The following MGA variants were observed in gnomAD, a reference collection of about 807,000 sequenced individuals.
MGA encodes the protein MAX dimerization protein MGA.
Under a neutral mutation model 261.1 loss-of-function variants are expected in MGA, and 40 were observed. The ratio of observed to expected loss-of-function variants is 0.15; its 90% CI spans 0.12 to 0.20. The LOEUF (loss-of-function observed/expected upper bound fraction) is 0.20, where lower values mean the gene tolerates loss of function less well. MGA is among the 10% of genes least tolerant of loss of function. The pLI, the probability that MGA is intolerant of heterozygous loss-of-function variation, is 1.00. For synonymous variants in MGA, 1,302 were observed against 1,290.6 expected, an observed-to-expected ratio of 1.01 and a Z score of -0.19; for missense variants, 3,397 against 3,630.5, an observed-to-expected ratio of 0.94 and a Z score of 1.65.
At chr15:41,676,772 C>G (rs911953342) in intron 2 of MGA, among the ~76,000 whole-genome samples, 1 of 151,970 alleles carries the variant, frequency 6.6e-6, no homozygotes, top group East Asian at 1.9e-4. Context: ...TTGCCTAGAT[C>G]AAGATTTTAA....
intron 2 of MGA, among the ~76,000 whole-genome samples, chr15:41,685,268 T>A (rs937235667): frequency 6.6e-6 from 1 of 152,234 alleles, no homozygotes; most frequent in Non-Finnish European, 1.5e-5. Context: ...GCTGACTATA[T>A]GCGCACAGGT....
At chr15:41,636,100 T>A (rs550570052) in intron 1 of MGA, among the ~76,000 whole-genome samples, 1 of 152,184 alleles carries the variant, frequency 6.6e-6, no homozygotes, top group East Asian at 1.9e-4. Context: ...TACTATACTT[T>A]ATTATTTTAT....
rs1344025543 is a variant in MGA at position 41,749,221 on chromosome 15, G to A, written c.5614G>A (p.Gly1872Arg). 6.2e-7 allele frequency: 1 copy of A among 1,613,872 alleles called. No homozygotes were observed. The highest frequency in any genetic ancestry group is 1.7e-5 in the Admixed American group (1 of 60,008). The stretch of plus-strand genomic sequence containing the variant: ...CATGAATCCTGTAATTCAAGCTGTT[G>A]GGTCTTCTTCAGCAGTGAATGTTAT... Residue 1872 changes from glycine (G) to arginine (R), a missense_variant, in exon 17 of 24, where the codon GGG (glycine) becomes AGG (arginine). Physicochemically the swap from Gly to Arg is moderately radical, Grantham distance 125. Coordinates refer to ENST00000219905, the MANE Select transcript of MGA (RefSeq NM_001164273.2).
rs1244595890 is a variant in MGA, at chr15:41,769,327, A to C, written c.*2047A>C. 2.0e-5 allele frequency: 3 copies of C among 147,962 alleles called. No homozygotes were observed. Among genetic ancestry groups the C allele is most frequent in the Non-Finnish European group, 4.5e-5 (3 of 67,272 alleles). The allele number at this position is 147,962 out of a possible 1,614,324, so 9.2% of individuals were successfully genotyped here. ...TTTTTTTTTTTTTTTTTTAAGAAGA[A>C]TATAGGTAAACAGGTAATGATTCTT... On this transcript the variant is annotated 3_prime_UTR_variant, in exon 24 of 24. Transcript: ENST00000219905.
chr15:41,699,656 C>T (rs554465564), intron 5 of MGA, among the ~76,000 whole-genome samples: 3 of 152,230 alleles, frequency 2.0e-5, no homozygotes, highest in Admixed American at 6.5e-5. Flanking sequence ...CGCCTGCCAC[C>T]GCGCCTGGCT....
intron 20 of MGA, among the ~76,000 whole-genome samples, chr15:41,760,780 A>G (rs945891384): frequency 6.6e-6 from 1 of 151,542 alleles, no homozygotes; most frequent in Admixed American, 6.6e-5. Flanking sequence ...CTTGTTGCCC[A>G]GGCTGGAGTA....
At chr15:41,672,485 G>A (rs2058113893) in intron 2 of MGA, among the ~76,000 whole-genome samples, 1 of 152,142 alleles carries the variant, frequency 6.6e-6, no homozygotes, top group Non-Finnish European at 1.5e-5. Flanking sequence ...GAAAGCAGCT[G>A]TTGGGATTAC....
Position 41,766,320 on chromosome 15 carries a change from G to C in MGA, c.8238G>C (p.Lys2746Asn). 1 of 1,613,912 alleles carries C rather than the reference G, an allele frequency of 6.2e-7. No homozygotes were observed. Among genetic ancestry groups the C allele is most frequent in the Non-Finnish European group, 8.5e-7 (1 of 1,179,840 alleles). ...AAGCACAAGAGTTCTTACCTAAAAAGATTTCTGGTGATATGAGAGGGATTC... is the reference window on the plus strand; with the variant it reads ...AAGCACAAGAGTTCTTACCTAAAAACATTTCTGGTGATATGAGAGGGATTC... Residue 2746 changes from lysine to asparagine, a missense_variant, in exon 24 of 24, where the codon AAG becomes AAC. By Grantham distance (94) the Lys-to-Asn change is moderately conservative (BLOSUM62 0). Coordinates refer to ENST00000219905, the MANE Select transcript of MGA (RefSeq NM_001164273.2).
chr15:41,709,675 A>G (rs2060289955), intron 7 of MGA, among the ~76,000 whole-genome samples: 1 of 151,914 alleles, frequency 6.6e-6, no homozygotes, highest in Non-Finnish European at 1.5e-5. Flanking sequence ...AGCTCAAGAA[A>G]TCCACCTGCC....
At chr15:41,642,909 CTT>C (rs753960013) in intron 1 of MGA, among the ~76,000 whole-genome samples, 3 of 130,272 alleles carry the variant, frequency 2.3e-5, no homozygotes, top group South Asian at 2.4e-4. Flanking sequence ...CATGCCTGGC[CTT>C]TTTTTTTTTT....
intron 9 of MGA, among the ~76,000 whole-genome samples, chr15:41,721,631 A>T (rs1178150758): frequency 6.6e-6 from 1 of 152,200 alleles, no homozygotes; most frequent in Admixed American, 6.5e-5. Context: ...TAGTTGGGGA[A>T]ATCCAAATTA....
chr15:41,713,392 T>C lies in MGA; in HGVS notation c.3326T>C (p.Val1109Ala), dbSNP rs2060476027. The C allele has an allele frequency of 1.2e-6, 2 of 1,605,066 alleles. No individual in the cohort carries two copies. Among genetic ancestry groups the C allele is most frequent in the Admixed American group, 1.7e-5 (1 of 57,530 alleles). ...AGGAAGGCTGCTCATCGAGATCCAG[T>C]ATTTTATGATACTCTGGGAGAGGAG... is the stretch of plus-strand genomic sequence containing the variant. Residue 1109 changes from valine to alanine, a missense_variant, in exon 9 of 24, where the codon GTA becomes GCA. By Grantham distance (64) the Val-to-Ala change is moderately conservative. This residue lies in a region of MGA where 519 missense variants were observed against 554.1 expected (regional missense o/e 0.94). Coordinates refer to ENST00000219905, the MANE Select transcript of MGA (RefSeq NM_001164273.2).
chr15:41,741,395 A>G (rs2062094348), intron 14 of MGA, among the ~76,000 whole-genome samples: 1 of 150,392 alleles, frequency 6.6e-6, no homozygotes, highest in African/African-American at 2.4e-5. Context: ...TTATTAAGGC[A>G]GCTTCAGTTG....
rs2063035162 is a variant in MGA, at chr15:41,754,566, CCG to C, written c.7139_7139+1del. On this transcript the variant is annotated splice_donor_variant and coding_sequence_variant, in exon 18 of 24. Transcript: ENST00000219905. LOFTEE classifies it high-confidence loss of function. ...GGCCCACACACAGTCATTCAAACAG[CCG>C]TAAGTCTTATTTCTCTTTGGATTGT... 2 of 1,566,642 alleles carry C rather than the reference CCG, an allele frequency of 1.3e-6. No homozygotes were observed. The highest frequency in any genetic ancestry group is 8.6e-7 in the Non-Finnish European group (1 of 1,159,256).
Position 41,725,653 on chromosome 15 carries a change from G to T in MGA, c.3431-1527G>T, listed in dbSNP as rs1444689659. Among the ~76,000 whole-genome samples, 6 of 16,388 alleles carry T rather than the reference G, an allele frequency of 3.7e-4. 3 individuals are homozygous for T. The highest frequency in any genetic ancestry group is 1.0e-3 in the Non-Finnish European group (6 of 5,954). 10.8% of individuals were successfully genotyped at this position (16,388 alleles called of 152,430 possible). A position where few individuals can be genotyped will look rare whatever the true frequency, so the allele number is the denominator to read the frequency against. Reference sequence around the variant, plus strand: ...TCGAGACCATCCCGGCTAAAAAACGGTGAAACCCCGTCTCTACTAAAAATA... The same window carrying T: ...TCGAGACCATCCCGGCTAAAAAACGTTGAAACCCCGTCTCTACTAAAAATA... On this transcript the variant is annotated intron_variant, in intron 9 of 23. Transcript: ENST00000219905.
At position 41,766,022 on chromosome 15, in the gene MGA, T is replaced by C; in HGVS notation, c.7940T>C (p.Met2647Thr). 6.2e-7 allele frequency: 1 copy of C among 1,603,030 alleles called. No homozygotes were observed. The highest frequency in any genetic ancestry group is 8.5e-7 in the Non-Finnish European group (1 of 1,174,896). The change falls in exon 24 of 24, where the codon ATG becomes ACG. Residue 2647 changes from methionine (M) to threonine (T), a missense_variant. Coordinates refer to ENST00000219905, the MANE Select transcript of MGA (RefSeq NM_001164273.2). ...TTTTCAGAAAATGACGACTTATTTATGATGCCACGAATTGTTAATGTGACA... is the reference window on the plus strand; with the variant it reads ...TTTTCAGAAAATGACGACTTATTTACGATGCCACGAATTGTTAATGTGACA...
At chr15:41,762,818 T>C (rs888189620) in intron 22 of MGA, among the ~76,000 whole-genome samples, 6 of 152,126 alleles carry the variant, frequency 3.9e-5, no homozygotes, top group African/African-American at 1.4e-4. Flanking sequence ...GTATAAAAAG[T>C]AGAATATTAA....
chr15:41,670,733 C>A (rs184644436), intron 2 of MGA, among the ~76,000 whole-genome samples: 1 of 151,730 alleles, frequency 6.6e-6, no homozygotes, highest in Non-Finnish European at 1.5e-5. Flanking sequence ...GTCTCGATCT[C>A]CTGACCTCAT....
At chr15:41,747,342 C>T (rs976196698) in intron 15 of MGA, among the ~76,000 whole-genome samples, 1 of 152,114 alleles carries the variant, frequency 6.6e-6, no homozygotes, top group African/African-American at 2.4e-5. Flanking sequence ...TTATCTTCCT[C>T]AGGTGGTATA....
Sources: gnomAD v4.1 joint callset for allele counts (sites outside exome capture counted in the v4.1 genomes callset) on GRCh38, gnomAD v4.1.1 for gene constraint, gnomAD v4.1.1 regional missense constraint, MANE v1.5 for transcripts, NCBI Gene and HGNC (gene_info 2026-07-23, HGNC 2026-07-21) for gene names.